CEP290: variants seen among roughly 807,000 people sequenced by gnomAD.
CEP290 encodes the protein centrosomal protein 290, also known as centrosomal protein of 290 kDa.
CEP290 carries 317 observed loss-of-function variants against 344.9 expected under a neutral mutation model. The ratio of observed to expected loss-of-function variants is 0.92; its 90% CI spans 0.84 to 1.01. CEP290 has a LOEUF of 1.01. Ranked by LOEUF, CEP290 falls within the 50% of genes least tolerant of loss-of-function variation. The probability of loss-of-function intolerance (pLI) is 0.00; values close to 1 mark genes in which losing one functional copy is unlikely to be tolerated. For synonymous variants in CEP290, 932 were observed against 895.8 expected (o/e 1.04, Z -0.72); for missense variants, 2,754 against 2,761.4 (o/e 1.00, Z 0.06).
chr12:88,087,738 AAAAAAC>A, intron 32 of CEP290, 36 bp downstream of exon 32: 1 of 829,220 alleles, frequency 1.2e-6, no homozygotes, highest in Non-Finnish European at 1.6e-6. Context: ...AAAAAAAAAA[AAAAAAC>A]TTAGGGAAAA....
intron 44 of CEP290, among the ~76,000 whole-genome samples, chr12:88,067,542 T>C (rs1299130828): frequency 6.6e-6 from 1 of 152,222 alleles, no homozygotes. Flanking sequence ...CAGTCCTCCA[T>C]AGCAGATTCT....
intron 22 of CEP290, among the ~76,000 whole-genome samples, chr12:88,110,429 G>A (rs2038601446): frequency 6.6e-6 from 1 of 152,080 alleles, no homozygotes; most frequent in African/African-American, 2.4e-5. Context: ...TTTTGCTTAT[G>A]GCTGTGTGCA....
intron 50 of CEP290, among the ~76,000 whole-genome samples, chr12:88,055,026 G>C (rs2033883513): frequency 6.6e-6 from 1 of 152,106 alleles, no homozygotes; most frequent in African/African-American, 2.4e-5. Context: ...ATGAGATTGG[G>C]AAGAAAACTG....
At position 88,117,026 on chromosome 12, in the gene CEP290, CTAT is replaced by C; in HGVS notation, c.1824+4_1824+6del. On this transcript the variant is annotated splice_donor_5th_base_variant and intron_variant, in intron 18 of 53. Coordinates refer to ENST00000552810, the MANE Select transcript of CEP290 (RefSeq NM_025114.4). ...CCTTTACTCTCTTTGCAATACTTTA[CTAT>C]TACCTTTGATTGTGCTTCACTCATA... The C allele has an allele frequency of 8.9e-7, 1 of 1,128,480 alleles. No individual in the cohort carries two copies. The highest frequency in any genetic ancestry group is 1.3e-6 in the Non-Finnish European group (1 of 769,692). The allele number at this position is 1,128,480 out of a possible 1,614,324, so 69.9% of individuals were successfully genotyped here. A position where few individuals can be genotyped will look rare whatever the true frequency, so the allele number is the denominator to read the frequency against.
At chr12:88,102,552 T>A (rs1191444281) in intron 26 of CEP290, among the ~76,000 whole-genome samples, 1 of 152,196 alleles carries the variant, frequency 6.6e-6, no homozygotes, top group Non-Finnish European at 1.5e-5. Context: ...TAAAAGAGGT[T>A]TGATTCAGCT....
chr12:88,085,966 A>C (rs2036544972), intron 34 of CEP290, 73 bp downstream of exon 34: 1 of 1,379,120 alleles, frequency 7.3e-7, no homozygotes, highest in Admixed American at 2.5e-5. Flanking sequence ...GCCCTCATAA[A>C]GAAATATTAT....
In CEP290 at chr12:88,090,850, A is replaced by T; in HGVS notation, c.3462-11T>A. 1 of 1,494,282 alleles carries T rather than the reference A, an allele frequency of 6.7e-7. No individual in the cohort carries two copies. The highest frequency in any genetic ancestry group is 1.2e-5 in the South Asian group (1 of 81,716). 92.6% of individuals were successfully genotyped at this position (1,494,282 alleles called of 1,614,324 possible). ...GAAATCTCTCTCAGTCTAGGAAATG[A>T]TAAGGTATTTCAGGAACAATTAAGT... is the stretch of plus-strand genomic sequence containing the variant. On this transcript the variant is annotated splice_polypyrimidine_tract_variant and intron_variant, in intron 29 of 53. Coordinates refer to ENST00000552810, the MANE Select transcript of CEP290 (RefSeq NM_025114.4).
At chr12:88,088,317 T>C (rs565410936) in intron 31 of CEP290, among the ~76,000 whole-genome samples, 103 of 152,274 alleles carry the variant, frequency 6.8e-4, no homozygotes, top group African/African-American at 2.3e-3. Context: ...AAGATAATTA[T>C]TTTTCATTTA....
chr12:88,075,529 T>C (rs2035699633), intron 41 of CEP290, among the ~76,000 whole-genome samples: 1 of 151,660 alleles, frequency 6.6e-6, no homozygotes, highest in African/African-American at 2.4e-5. Context: ...CATCAAAGTT[T>C]ATGGTCTAAT....
intron 37 of CEP290, 120 bp from the exon 38 acceptor site, chr12:88,080,515 T>C (rs761921251): frequency 4.7e-5 from 31 of 661,708 alleles, no homozygotes; most frequent in Non-Finnish European, 7.2e-5. Context: ...CTGCAACCTC[T>C]GCCTCCCAGA....
At chr12:88,125,960 T>C (rs1232002588) in intron 12 of CEP290, among the ~76,000 whole-genome samples, 1 of 152,030 alleles carries the variant, frequency 6.6e-6, no homozygotes, top group Non-Finnish European at 1.5e-5. Flanking sequence ...TAGGGTATGT[T>C]AGGACTAAGA....
intron 39 of CEP290, 80 bp from the exon 40 acceptor site, chr12:88,077,998 T>C (rs2035911469): frequency 1.7e-6 from 1 of 598,520 alleles, no homozygotes; most frequent in East Asian, 3.3e-5. Context: ...ACAGAAAATA[T>C]ACCATTATAA....
intron 2 of CEP290, 83 bp from the exon 3 acceptor site, chr12:88,141,116 A>T: frequency 7.7e-7 from 1 of 1,306,996 alleles, no homozygotes; most frequent in Non-Finnish European, 1.0e-6. Flanking sequence ...TGACAATTAT[A>T]GTTGTCCCTG....
intron 44 of CEP290, among the ~76,000 whole-genome samples, chr12:88,065,328 G>A (rs2034829487): frequency 1.8e-5 from 1 of 55,080 alleles, no homozygotes; most frequent in East Asian, 1.7e-3. Context: ...GACTGCATGT[G>A]TCCATCTGAT....
chr12:88,071,181 G>A (rs2035345524), intron 43 of CEP290, 113 bp downstream of exon 43: 11 of 860,830 alleles, frequency 1.3e-5, no homozygotes, highest in South Asian at 8.2e-5. Flanking sequence ...CAATTCACAT[G>A]GGAAAAGAAA....
chr12:88,118,620 A>G (rs373493696), intron 16 of CEP290, 23 bp downstream of exon 16: 44 of 1,611,140 alleles, frequency 2.7e-5, no homozygotes, highest in Non-Finnish European at 3.3e-5. Context: ...CCAAGAAAAT[A>G]ATCAACTGAC....
intron 34 of CEP290, 130 bp from the exon 35 acceptor site, chr12:88,084,982 T>C (rs2036471583): frequency 1.5e-6 from 1 of 663,154 alleles, no homozygotes; most frequent in Non-Finnish European, 2.4e-6. Context: ...ACAATAGCCA[T>C]TTGATACTTA....
chr12:88,119,770 A>C lies in CEP290; in HGVS notation c.1522+344T>G, dbSNP rs541546781. 3.3e-5 allele frequency among the ~76,000 whole-genome samples: 5 copies of C among 152,344 alleles called. No homozygotes were observed. In the East Asian group the frequency reaches 7.7e-4, roughly 23 times the overall value. ...TCTGTTACAAGAGCATTTTGCAAAC[A>C]AACATGGGTAATACAGACCCTACTT... On this transcript the variant is annotated intron_variant, in intron 15 of 53. Coordinates refer to ENST00000552810, the MANE Select transcript of CEP290 (RefSeq NM_025114.4).
At chr12:88,056,679 C>T (rs1158329465) in intron 49 of CEP290, among the ~76,000 whole-genome samples, 2 of 152,108 alleles carry the variant, frequency 1.3e-5, no homozygotes, top group Admixed American at 6.6e-5. Context: ...CCCACATCAC[C>T]CTGGTTTGTC....
Sources: allele counts gnomAD v4.1 joint callset (sites outside exome capture counted in the v4.1 genomes callset), GRCh38; gene constraint gnomAD v4.1.1; transcripts MANE v1.5; gene names NCBI Gene and HGNC (gene_info 2026-07-23, HGNC 2026-07-21).